The following NEIL2 variants were observed in gnomAD, a reference collection of about 807,000 sequenced individuals.
NEIL2 encodes nei like DNA glycosylase 2, also known as endonuclease 8-like 2.
In NEIL2, 23 loss-of-function variants were observed where a neutral mutation model predicts 22.2. The observed-to-expected ratio is 1.04, with a 90% CI of 0.75 to 1.47. The LOEUF (loss-of-function observed/expected upper bound fraction) is 1.47. Among genes scored for constraint, NEIL2 ranks in the 40% most tolerant of loss-of-function variants. NEIL2 has a pLI of 0.00. For missense variants in NEIL2, 583 were observed against 404.7 expected, an observed-to-expected ratio of 1.44 and a Z score of -3.78; for synonymous variants, 229 against 164.8, an observed-to-expected ratio of 1.39 and a Z score of -2.99.
chr8:11,781,160 G>C (rs1001696231), intron 3 of NEIL2, among the ~76,000 whole-genome samples: 1 of 134,292 alleles, frequency 7.4e-6, no homozygotes, highest in Non-Finnish European at 1.6e-5. Context: ...ATGTTTAGAA[G>C]TGTAGTCTTT....
At position 11,786,118 on chromosome 8, in the gene NEIL2, C is replaced by G. The variant is rs1804919749; in HGVS notation, c.844C>G (p.His282Asp). The change falls in exon 5 of 5, where the codon CAC becomes GAC. Residue 282 changes from histidine to aspartate, a missense_variant. Coordinates refer to ENST00000284503, the MANE Select transcript of NEIL2 (RefSeq NM_145043.4). ...LQGKFQGRPQ[H>D]TQVYQKEQCP... Reference sequence around the variant, plus strand: ...GGGCAAGTTCCAAGGCAGACCGCAGCACACACAGGTCTACCAGAAAGAACA... The same window carrying G: ...GGGCAAGTTCCAAGGCAGACCGCAGGACACACAGGTCTACCAGAAAGAACA... 2 of 1,614,142 alleles carry G rather than the reference C, an allele frequency of 1.2e-6. No individual in the cohort carries two copies. Among genetic ancestry groups the G allele is most frequent in the African/African-American group, 2.7e-5 (2 of 75,036 alleles).
At chr8:11,775,592 C>T (rs8191577) in intron 2 of NEIL2, among the ~76,000 whole-genome samples, 1 of 152,204 alleles carries the variant, frequency 6.6e-6, no homozygotes, top group South Asian at 2.1e-4. Context: ...AATTTCTCCC[C>T]AGAAAATGGG....
rs772036751 is a variant in NEIL2, at chr8:11,779,839, C to T, written c.380C>T (p.Ala127Val). ...GAGAGAGACGCCCCTGCAGGAGATGCTGGGAGGTGGCTGCGTGTCAGCTTT... is the reference window on the plus strand; with the variant it reads ...GAGAGAGACGCCCCTGCAGGAGATGTTGGGAGGTGGCTGCGTGTCAGCTTT... ...YLERDAPAGD[A>V]GRWLRVSFGL... The change falls in exon 3 of 5, where the codon GCT becomes GTT. Residue 127 changes from alanine to valine, a missense_variant. Transcript: ENST00000284503. 2 of 1,614,052 alleles carry T rather than the reference C, an allele frequency of 1.2e-6. No individual in the cohort carries two copies. The highest frequency in any genetic ancestry group is 1.7e-6 in the Non-Finnish European group (2 of 1,179,986).
At chr8:11,783,516 T>A in intron 4 of NEIL2, 117 bp downstream of exon 4, 1 of 812,132 alleles carries the variant, frequency 1.2e-6, no homozygotes, top group South Asian at 1.4e-5. Context: ...GGTTTTGAGG[T>A]GCCACTTGCT....
intron 2 of NEIL2, among the ~76,000 whole-genome samples, chr8:11,776,333 T>TC (rs1168199555): frequency 2.0e-5 from 3 of 151,988 alleles, no homozygotes; most frequent in Non-Finnish European, 2.9e-5. Context: ...TCCCACCGGG[T>TC]CCCCCCCACA....
chr8:11,781,668 T>G (rs1340626983), intron 3 of NEIL2, among the ~76,000 whole-genome samples: 1 of 152,260 alleles, frequency 6.6e-6, no homozygotes, highest in African/African-American at 2.4e-5. Context: ...TTAGGTCTCT[T>G]TTCTCATGTA....
intron 4 of NEIL2, among the ~76,000 whole-genome samples, chr8:11,784,583 A>G (rs922915866): frequency 6.6e-5 from 10 of 152,186 alleles, no homozygotes; most frequent in African/African-American, 2.2e-4. Flanking sequence ...ACTCACTCCA[A>G]ACACACAGAC....
intron 4 of NEIL2, among the ~76,000 whole-genome samples, chr8:11,785,592 C>A (rs983506483): frequency 6.6e-6 from 1 of 152,166 alleles, no homozygotes; most frequent in Admixed American, 6.5e-5. Flanking sequence ...TCACAAAAAC[C>A]AGGTAAGCCA....
intron 2 of NEIL2, among the ~76,000 whole-genome samples, chr8:11,776,404 C>G (rs1295380090): frequency 2.0e-5 from 3 of 152,202 alleles, no homozygotes; most frequent in East Asian, 1.9e-4. Context: ...CACAGCCAAA[C>G]CATATCACAC....
At chr8:11,776,973 C>G (rs996519132) in intron 2 of NEIL2, among the ~76,000 whole-genome samples, 1 of 152,148 alleles carries the variant, frequency 6.6e-6, no homozygotes, top group African/African-American at 2.4e-5. Flanking sequence ...CTGTGTCTGA[C>G]CAGGAGCCCC....
intron 2 of NEIL2, among the ~76,000 whole-genome samples, chr8:11,774,268 G>C (rs1221630039): frequency 1.3e-5 from 2 of 152,070 alleles, no homozygotes; most frequent in Non-Finnish European, 2.9e-5. Flanking sequence ...CCAGCTACTT[G>C]GGAGGCTGAG....
At chr8:11,779,538 G>C in intron 2 of NEIL2, 60 bp from the exon 3 acceptor site, 1 of 1,300,616 alleles carries the variant, frequency 7.7e-7, no homozygotes, top group Non-Finnish European at 1.1e-6. Context: ...ATAAATATCC[G>C]CATTCCCCAG....
At position 11,786,322 on chromosome 8, in the gene NEIL2, G is replaced by A. The variant is rs200816367; in HGVS notation, c.*49G>A. On this transcript the variant is annotated 3_prime_UTR_variant, in exon 5 of 5. Coordinates refer to ENST00000284503, the MANE Select transcript of NEIL2 (RefSeq NM_145043.4). Reference sequence around the variant, plus strand: ...AACCTTGCCGCTTGGGGAACCTGACGTCTAAGTGTCCAGAAAGGAGGATGT... The same window carrying A: ...AACCTTGCCGCTTGGGGAACCTGACATCTAAGTGTCCAGAAAGGAGGATGT... 1.3e-6 allele frequency: 2 copies of A among 1,560,800 alleles called. No individual in the cohort carries two copies. Among genetic ancestry groups the A allele is most frequent in the East Asian group, 2.3e-5 (1 of 42,996 alleles).
chr8:11,774,313 TG>T (rs8191562), intron 2 of NEIL2, among the ~76,000 whole-genome samples: 5,074 of 152,142 alleles, frequency 0.033, 236 homozygotes, highest in East Asian at 0.26. Flanking sequence ...AGACAGAGGT[TG>T]CAGTGAGCTG....
At chr8:11,772,515 C>T (rs151182747) in intron 2 of NEIL2, among the ~76,000 whole-genome samples, 1 of 152,338 alleles carries the variant, frequency 6.6e-6, no homozygotes, top group East Asian at 1.9e-4. Flanking sequence ...CTCAGAGAAG[C>T]CTGCCCTGTC....
At position 11,786,851 on chromosome 8, in the gene NEIL2, G is replaced by A. The variant is rs1197969701; in HGVS notation, c.*578G>A. 9 of 157,044 alleles carry A rather than the reference G, an allele frequency of 5.7e-5. No homozygotes were observed. Among genetic ancestry groups the A allele is most frequent in the Admixed American group, 5.6e-4 (9 of 16,122 alleles). 9.7% of individuals were successfully genotyped at this position (157,044 alleles called of 1,614,324 possible). On this transcript the variant is annotated 3_prime_UTR_variant, in exon 5 of 5. Transcript: ENST00000284503. The stretch of plus-strand genomic sequence containing the variant: ...GATGGGGTCTTGCCATATTTGCCAG[G>A]CTGGTTTGAACTCCTACAACTCAAG...
chr8:11,779,401 C>G (rs189536444), intron 2 of NEIL2, among the ~76,000 whole-genome samples, 197 bp from the exon 3 acceptor site: 1 of 152,190 alleles, frequency 6.6e-6, no homozygotes, highest in Admixed American at 6.5e-5. Context: ...CTCCTTGCTC[C>G]CAGTCACTTT....
chr8:11,772,690 G>A (rs1350245259), intron 2 of NEIL2, among the ~76,000 whole-genome samples: 1 of 152,246 alleles, frequency 6.6e-6, no homozygotes, highest in Non-Finnish European at 1.5e-5. Context: ...ACTTAGCTGA[G>A]TGCCGGCACG....
At position 11,779,963 on chromosome 8, in the gene NEIL2, C is replaced by T. The variant is rs745630515; in HGVS notation, c.491+13C>T. The T allele has an allele frequency of 1.9e-6, 3 of 1,608,522 alleles. No individual in the cohort carries two copies. The highest frequency in any genetic ancestry group is 1.1e-5 in the South Asian group (1 of 90,940). On this transcript the variant is annotated intron_variant, in intron 3 of 4. Coordinates refer to ENST00000284503, the MANE Select transcript of NEIL2 (RefSeq NM_145043.4). Reference sequence around the variant, plus strand: ...ACCCTTCCCCGAGGTAATGGTGTGGCCATCTGATTTTCGTGGGCTCTGATA... The same window carrying T: ...ACCCTTCCCCGAGGTAATGGTGTGGTCATCTGATTTTCGTGGGCTCTGATA...
Sources: gnomAD v4.1 joint callset for allele counts (sites outside exome capture counted in the v4.1 genomes callset) on GRCh38, gnomAD v4.1.1 for gene constraint, MANE v1.5 for transcripts, NCBI Gene and HGNC (gene_info 2026-07-23, HGNC 2026-07-21) for gene names.